ACER1: variants seen among roughly 807,000 people sequenced by gnomAD.
ACER1 encodes the protein alkaline ceramidase 1.
Under a neutral mutation model 24.9 loss-of-function variants are expected in ACER1, and 28 were observed. The ratio of observed to expected loss-of-function variants is 1.13; its 90% confidence interval spans 0.83 to 1.54. The LOEUF (loss-of-function observed/expected upper bound fraction) is 1.54. Ranked by LOEUF, ACER1 falls within the 40% of genes most tolerant of loss-of-function variation. The pLI, the probability that ACER1 is intolerant of heterozygous loss-of-function variation, is 0.00. For synonymous variants in ACER1, 132 were observed against 131.4 expected, an observed-to-expected ratio of 1.00 and a Z score of -0.03; for missense variants, 352 against 349.3, an observed-to-expected ratio of 1.01 and a Z score of -0.06.
chr19:6,337,958 T>C (rs1411208424), upstream of ACER1, among the ~76,000 whole-genome samples: 1 of 151,632 alleles, frequency 6.6e-6, no homozygotes, highest in Non-Finnish European at 1.5e-5. Context: ...ACTACAGGCG[T>C]GAGCCACCGC....
At chr19:6,325,316 G>A (rs1185565014) in intron 1 of ACER1, among the ~76,000 whole-genome samples, 2 of 152,162 alleles carry the variant, frequency 1.3e-5, no homozygotes, top group East Asian at 1.9e-4. Context: ...CCTGGGCTCC[G>A]CTTCAAGCTG....
At chr19:6,306,982 G>A in intron 5 of ACER1, 100 bp from the exon 6 acceptor site, 1 of 1,504,078 alleles carries the variant, frequency 6.6e-7, no homozygotes, top group Non-Finnish European at 9.0e-7. Flanking sequence ...CCATCCAGGG[G>A]AGCCTTCTGG....
chr19:6,332,662 G>A (rs2091693893), intron 1 of ACER1, among the ~76,000 whole-genome samples: 1 of 151,738 alleles, frequency 6.6e-6, no homozygotes, highest in Non-Finnish European at 1.5e-5. Context: ...GAGTTTCTCA[G>A]GAGGTGGGAC....
At chr19:6,356,383 CT>C in the ACER1 span, among the ~76,000 whole-genome samples, 1 of 149,306 alleles carries the variant, frequency 6.7e-6, no homozygotes, top group African/African-American at 2.5e-5. Context: ...CCCTTGTTCA[CT>C]TGTTTATCTG....
chr19:6,354,221 A>T, the ACER1 span, among the ~76,000 whole-genome samples: 1 of 151,948 alleles, frequency 6.6e-6, no homozygotes, highest in South Asian at 2.1e-4. Context: ...TAAGTAAATA[A>T]ATAAATAAAT....
chr19:6,325,596 T>C (rs2091657154), intron 1 of ACER1, among the ~76,000 whole-genome samples: 1 of 152,208 alleles, frequency 6.6e-6, no homozygotes, highest in African/African-American at 2.4e-5. Context: ...GAGGTTGCAG[T>C]GAGCCAAGAT....
At chr19:6,358,933 CA>C in the ACER1 span, among the ~76,000 whole-genome samples, 388 of 75,328 alleles carry the variant, frequency 5.2e-3, 2 homozygotes, top group Middle Eastern at 9.4e-3. Flanking sequence ...AACTCTGTCT[CA>C]AAAAAAAAAA....
chr19:6,315,793 G>A (rs147228142), intron 1 of ACER1, among the ~76,000 whole-genome samples: 2,615 of 152,240 alleles, frequency 0.017, 73 homozygotes, highest in African/African-American at 0.061. Flanking sequence ...GGGATTACAG[G>A]CATGAGCCAC....
chr19:6,312,203 C>A lies in ACER1; in HGVS notation c.296G>T (p.Gly99Val). Residue 99 changes from glycine to valine, a missense_variant, in exon 3 of 6, where the codon GGC becomes GTC. Transcript: ENST00000301452. The stretch of plus-strand genomic sequence containing the variant: ...GCAGCGGGGCATCCATATGCTATAG[C>A]CACTGCCCAGGAGCCACAGGATGGC... ...EIAILWLLGS[G>V]YSIWMPRCYF... 6.2e-7 allele frequency: 1 copy of A among 1,613,994 alleles called. No individual in the cohort carries two copies. Among genetic ancestry groups the A allele is most frequent in the Non-Finnish European group, 8.5e-7 (1 of 1,179,922 alleles).
At chr19:6,357,544 C>T in the ACER1 span, among the ~76,000 whole-genome samples, 1 of 151,908 alleles carries the variant, frequency 6.6e-6, no homozygotes, top group Non-Finnish European at 1.5e-5. Context: ...GGCTGACGCA[C>T]ATGGATCATT....
At chr19:6,347,449 G>A in the ACER1 span, among the ~76,000 whole-genome samples, 1 of 151,846 alleles carries the variant, frequency 6.6e-6, no homozygotes, top group East Asian at 1.9e-4. Flanking sequence ...TGAACTCTTG[G>A]GCTTAGGTGA....
intron 1 of ACER1, among the ~76,000 whole-genome samples, chr19:6,329,573 G>A (rs930164738): frequency 3.9e-5 from 6 of 152,102 alleles, no homozygotes; most frequent in East Asian, 1.9e-4. Context: ...AGCCTTACCC[G>A]GTAGCTACAG....
the ACER1 span, among the ~76,000 whole-genome samples, chr19:6,339,360 G>A: frequency 5.3e-5 from 8 of 152,096 alleles, 1 homozygote; most frequent in Non-Finnish European, 1.2e-4. Flanking sequence ...AAATAAGCCA[G>A]ACATAAAAGG....
chr19:6,350,923 T>C, the ACER1 span, among the ~76,000 whole-genome samples: 9,078 of 152,154 alleles, frequency 0.06, 387 homozygotes, highest in African/African-American at 0.12. Context: ...ATAGAGAATT[T>C]GTGTGTCAGA....
chr19:6,320,637 C>A (rs1016349341), intron 1 of ACER1, among the ~76,000 whole-genome samples: 8 of 152,084 alleles, frequency 5.3e-5, no homozygotes, highest in African/African-American at 1.9e-4. Flanking sequence ...AATTCCTAAT[C>A]ACCAGTAATT....
At chr19:6,354,695 G>T in the ACER1 span, among the ~76,000 whole-genome samples, 1 of 152,136 alleles carries the variant, frequency 6.6e-6, no homozygotes, top group African/African-American at 2.4e-5. Flanking sequence ...CAAGGCAGGA[G>T]GATTGCTCAA....
At chr19:6,341,428 G>A in the ACER1 span, among the ~76,000 whole-genome samples, 6 of 149,658 alleles carry the variant, frequency 4.0e-5, 1 homozygote, top group Admixed American at 2.6e-4. Flanking sequence ...AGGAAGCTGA[G>A]ATGGGAAGAT....
intron 1 of ACER1, among the ~76,000 whole-genome samples, chr19:6,331,569 G>A (rs991800187): frequency 4.6e-5 from 7 of 151,716 alleles, no homozygotes; most frequent in East Asian, 4.0e-4. Flanking sequence ...TGAGGTGGGC[G>A]GATCACCTGA....
intron 1 of ACER1, among the ~76,000 whole-genome samples, chr19:6,329,751 G>A (rs2091678476): frequency 6.6e-6 from 1 of 152,056 alleles, no homozygotes; most frequent in African/African-American, 2.4e-5. Context: ...TGTTGCCCAG[G>A]CCGGAATACG....
Sources: allele counts gnomAD v4.1 joint callset (sites outside exome capture counted in the v4.1 genomes callset), GRCh38; gene constraint gnomAD v4.1.1; transcripts MANE v1.5; gene names NCBI Gene and HGNC (gene_info 2026-07-23, HGNC 2026-07-21).